Variants in ANAPC7 observed in about 807,000 individuals in gnomAD.
The protein encoded by ANAPC7 is anaphase-promoting complex subunit 7.
ANAPC7 carries 25 observed loss-of-function variants against 63.3 expected under a neutral mutation model. The observed-to-expected ratio is 0.39, with a 90% CI of 0.29 to 0.55. The LOEUF is 0.55. Among genes scored for constraint, ANAPC7 ranks in the 20% least tolerant of loss-of-function variants. The pLI, the probability that ANAPC7 is intolerant of heterozygous loss-of-function variation, is 0.57. For missense variants in ANAPC7, 516 were observed against 691.7 expected (o/e 0.75, Z 2.85); for synonymous variants, 241 against 251.7 (o/e 0.96, Z 0.40).
chr12:110,392,446 T>C (rs1201563958), intron 3 of ANAPC7, among the ~76,000 whole-genome samples: 1 of 152,178 alleles, frequency 6.6e-6, no homozygotes, highest in African/African-American at 2.4e-5. Flanking sequence ...CTAACTAAAA[T>C]ACACCAGGCC....
intron 7 of ANAPC7, among the ~76,000 whole-genome samples, chr12:110,382,440 TTAAAAAAAAA>T (rs1462097324): frequency 1.1e-4 from 3 of 26,782 alleles, no homozygotes; most frequent in African/African-American, 5.4e-4. Context: ...GATTATCCTT[TTAAAAAAAAA>T]AAAAAAAAAA....
chr12:110,387,759 T>G lies in ANAPC7; in HGVS notation c.654A>C (p.Ser218=). ...AYAFVHTGDN[S]RAISTICSLE... The stretch of plus-strand genomic sequence containing the variant: ...CTCACCAGATGGTACTGATTGCTCT[T>G]GAGTTGTCACCAGTGTGCACAAAAG... The change falls in exon 5 of 11, where the codon TCA becomes TCC. Residue 218 remains serine, a synonymous_variant. Transcript: ENST00000455511. 6.2e-7 allele frequency: 1 copy of G among 1,613,822 alleles called. No homozygotes were observed. Among genetic ancestry groups the G allele is most frequent in the Non-Finnish European group, 8.5e-7 (1 of 1,179,734 alleles).
At chr12:110,378,558 A>G (rs1881515069) in intron 8 of ANAPC7, 1 of 152,298 alleles carries the variant, frequency 6.6e-6, no homozygotes, top group African/African-American at 2.4e-5. Flanking sequence ...CACATGCACC[A>G]AACAGACTGC....
Position 110,396,409 on chromosome 12 carries a change from G to T in ANAPC7, c.145C>A (p.His49Asn). 1 of 1,613,364 alleles carries T rather than the reference G, an allele frequency of 6.2e-7. No homozygotes were observed. The highest frequency in any genetic ancestry group is 1.1e-5 in the South Asian group (1 of 90,910). The change falls in exon 2 of 11, where the codon CAT (histidine) becomes AAT (asparagine). Residue 49 changes from histidine (H) to asparagine (N), a missense_variant. Transcript: ENST00000455511. ...PPQKYQLLVY[H>N]ADSLFHDKEY... is the part of the protein sequence containing the mutation. Reference sequence around the variant, plus strand: ...TTATCATGAAAGAGAGAATCTGCATGATACACCAAAAGCTGGTACTTCTGA... The same window carrying T: ...TTATCATGAAAGAGAGAATCTGCATTATACACCAAAAGCTGGTACTTCTGA...
chr12:110,387,599 TAA>T, intron 5 of ANAPC7, 138 bp downstream of exon 5: 1 of 977,506 alleles, frequency 1.0e-6, no homozygotes, highest in South Asian at 1.6e-5. Flanking sequence ...CCATTCAGTA[TAA>T]AAGACTAACA....
At chr12:110,388,132 G>A (rs1882777481) in intron 4 of ANAPC7, among the ~76,000 whole-genome samples, 1 of 152,140 alleles carries the variant, frequency 6.6e-6, no homozygotes, top group South Asian at 2.1e-4. Context: ...TGCCTCCTGG[G>A]TTCAAGCGAT....
At position 110,387,767 on chromosome 12, in the gene ANAPC7, C is replaced by T. The variant is rs772180548; in HGVS notation, c.646G>A (p.Asp216Asn). 6.2e-7 allele frequency: 1 copy of T among 1,613,818 alleles called. No individual in the cohort carries two copies. Among genetic ancestry groups the T allele is most frequent in the Non-Finnish European group, 8.5e-7 (1 of 1,179,846 alleles). Reference protein sequence around the residue: ...IKAYAFVHTGDNSRAISTICS... With the variant: ...IKAYAFVHTGNNSRAISTICS... Reference sequence around the variant, plus strand: ...ATGGTACTGATTGCTCTTGAGTTGTCACCAGTGTGCACAAAAGCATACGCT... The same window carrying T: ...ATGGTACTGATTGCTCTTGAGTTGTTACCAGTGTGCACAAAAGCATACGCT... The change falls in exon 5 of 11, where the codon GAC (aspartate) becomes AAC (asparagine). Residue 216 changes from aspartate to asparagine, a missense_variant. Physicochemically the swap from Asp to Asn is conservative, Grantham distance 23. This residue lies in a region of ANAPC7 where 199 missense variants were observed against 249.3 expected (regional missense o/e 0.80). Transcript: ENST00000455511.
At chr12:110,398,675 C>T (rs770775189) in intron 1 of ANAPC7, among the ~76,000 whole-genome samples, 3 of 152,220 alleles carry the variant, frequency 2.0e-5, no homozygotes, top group Admixed American at 2.0e-4. Context: ...TACAGCAGGC[C>T]GGGGCATGGT....
At chr12:110,386,186 A>T in intron 6 of ANAPC7, 141 bp downstream of exon 6, 3 of 1,267,132 alleles carry the variant, frequency 2.4e-6, no homozygotes, top group Non-Finnish European at 3.3e-6. Context: ...GTCATGACCT[A>T]AAAAAAGTAA....
intron 3 of ANAPC7, among the ~76,000 whole-genome samples, chr12:110,391,601 A>G (rs555500466): frequency 3.9e-4 from 59 of 152,314 alleles, no homozygotes; most frequent in African/African-American, 1.4e-3. Flanking sequence ...AAGGATATGT[A>G]CTGCTGACAA....
intron 8 of ANAPC7, among the ~76,000 whole-genome samples, chr12:110,380,416 G>A (rs1174842427): frequency 6.6e-6 from 1 of 150,768 alleles, no homozygotes; most frequent in African/African-American, 2.4e-5. Flanking sequence ...ACTTTGGGAG[G>A]CCAAGGCAGG....
At chr12:110,382,461 A>ATATATATATATATTT (rs1321570855) in intron 7 of ANAPC7, among the ~76,000 whole-genome samples, 2 of 30,858 alleles carry the variant, frequency 6.5e-5, no homozygotes, top group Non-Finnish European at 1.2e-4. Context: ...AAAAAAAAAA[A>ATATATATATATATTT]ATATATATAT....
intron 1 of ANAPC7, among the ~76,000 whole-genome samples, chr12:110,397,570 A>AC (rs1014579402): frequency 1.3e-5 from 2 of 151,416 alleles, no homozygotes; most frequent in African/African-American, 4.9e-5. Flanking sequence ...AAAAAAAAAA[A>AC]AACACTAAAA....
chr12:110,391,336 T>C (rs1182590696), intron 3 of ANAPC7, among the ~76,000 whole-genome samples: 2 of 152,228 alleles, frequency 1.3e-5, no homozygotes, highest in Non-Finnish European at 2.9e-5. Context: ...TGTTTACTCT[T>C]AAAAGGTGAA....
At position 110,382,760 on chromosome 12, in the gene ANAPC7, T is replaced by C. The variant is rs1022376850; in HGVS notation, c.935+83A>G. 5.2e-5 allele frequency: 63 copies of C among 1,212,192 alleles called. 1 individual carries two copies. In the Admixed American group the frequency reaches 1.2e-3, roughly 23 times the overall value. The allele number at this position is 1,212,192 out of a possible 1,614,324, so 75.1% of individuals were successfully genotyped here. A position where few individuals can be genotyped will look rare whatever the true frequency, so the allele number is the denominator to read the frequency against. On this transcript the variant is annotated intron_variant, in intron 7 of 10. Coordinates refer to ENST00000455511, the MANE Select transcript of ANAPC7 (RefSeq NM_016238.3). ...AGGTGATTACCTCTTAAACCTGTGC[T>C]TTCAATTTATATTCTCTTCAAGAGC...
intron 1 of ANAPC7, among the ~76,000 whole-genome samples, chr12:110,400,906 T>C (rs1592933947): frequency 2.7e-5 from 4 of 149,446 alleles, no homozygotes; most frequent in Non-Finnish European, 4.4e-5. Flanking sequence ...AAAAATTAGC[T>C]GGGCGTGGTG....
Position 110,374,075 on chromosome 12 carries a change from A to C in ANAPC7, c.*69T>G. The C allele has an allele frequency of 6.8e-7, 1 of 1,476,858 alleles. No homozygotes were observed. The highest frequency in any genetic ancestry group is 1.4e-5 in the South Asian group (1 of 73,042). 91.5% of individuals were successfully genotyped at this position (1,476,858 alleles called of 1,614,324 possible). A position where few individuals can be genotyped will look rare whatever the true frequency, so the allele number is the denominator to read the frequency against. ...ATTGTCCTTCTGAGAGCAGGCTCCT[A>C]CGGTTCCTTCAGTCCACGGAAGTGC... On this transcript the variant is annotated 3_prime_UTR_variant, in exon 11 of 11. Coordinates refer to ENST00000455511, the MANE Select transcript of ANAPC7 (RefSeq NM_016238.3).
At chr12:110,376,624 TCTTAA>T (rs1245008247) in intron 9 of ANAPC7, among the ~76,000 whole-genome samples, 1 of 137,566 alleles carries the variant, frequency 7.3e-6, no homozygotes, top group East Asian at 2.1e-4. Context: ...TTAAATGGGC[TCTTAA>T]CTTTAAAAAG....
At chr12:110,391,799 T>A (rs1029123214) in intron 3 of ANAPC7, among the ~76,000 whole-genome samples, 4 of 152,122 alleles carry the variant, frequency 2.6e-5, no homozygotes, top group Non-Finnish European at 5.9e-5. Flanking sequence ...AGTTTATAAT[T>A]AAAATGGCTT....
Sources: allele counts gnomAD v4.1 joint callset (sites outside exome capture counted in the v4.1 genomes callset), GRCh38; gene constraint gnomAD v4.1.1; regional missense constraint gnomAD v4.1.1; transcripts MANE v1.5; gene names NCBI Gene and HGNC (gene_info 2026-07-23, HGNC 2026-07-21).